The following NDRG1 variants were observed in gnomAD, a reference collection of about 807,000 sequenced individuals.
NDRG1 encodes N-myc downstream regulated 1.
A neutral mutation model predicts 56.9 loss-of-function variants in NDRG1; 32 were observed. That is an observed-to-expected ratio of 0.56 (90% CI 0.42 to 0.76). NDRG1 has a LOEUF of 0.76. NDRG1 is among the 30% of genes least tolerant of loss of function. NDRG1 has a pLI of 0.00. For missense variants in NDRG1, 507 were observed against 545.7 expected, an observed-to-expected ratio of 0.93 and a Z score of 0.71; for synonymous variants, 211 against 204.1, an observed-to-expected ratio of 1.03 and a Z score of -0.29.
chr8:133,296,462 A>G, intron 1 of NDRG1: 1 of 455,564 alleles, frequency 2.2e-6, no homozygotes, highest in Non-Finnish European at 4.4e-6. Flanking sequence ...TTGCACTGTG[A>G]CACACCCTGG....
intron 1 of NDRG1, chr8:133,296,419 T>A: frequency 2.2e-6 from 1 of 454,078 alleles, no homozygotes; most frequent in Non-Finnish European, 4.4e-6. Flanking sequence ...CCCTGCCCAG[T>A]GGCGCTCGCA....
At chr8:133,296,103 C>G (rs1858735269) in intron 1 of NDRG1, among the ~76,000 whole-genome samples, 1 of 152,150 alleles carries the variant, frequency 6.6e-6, no homozygotes, top group African/African-American at 2.4e-5. Context: ...GCGTGTTTCC[C>G]CCAGAACCAG....
At chr8:133,294,472 T>C (rs1186416356) in intron 1 of NDRG1, among the ~76,000 whole-genome samples, 2 of 152,222 alleles carry the variant, frequency 1.3e-5, no homozygotes, top group African/African-American at 2.4e-5. Flanking sequence ...TCACGCTTTC[T>C]CTCCCAGGAC....
intron 15 of NDRG1, 42 bp from the exon 16 acceptor site, chr8:133,239,161 C>T (rs2233347): frequency 3.9e-6 from 6 of 1,549,290 alleles, no homozygotes; most frequent in Non-Finnish European, 5.2e-6. Flanking sequence ...CAGGAGACTG[C>T]CAGGTGAGGA....
At chr8:133,246,546 C>T in intron 13 of NDRG1, 70 bp downstream of exon 13, 1 of 1,504,656 alleles carries the variant, frequency 6.6e-7, no homozygotes, top group Non-Finnish European at 9.3e-7. Context: ...AAGCCTAACT[C>T]AATGTTGCAG....
intron 1 of NDRG1, among the ~76,000 whole-genome samples, chr8:133,287,717 C>T (rs1306511277): frequency 1.3e-5 from 2 of 152,176 alleles, no homozygotes; most frequent in African/African-American, 4.8e-5. Flanking sequence ...CTGCCCTGAG[C>T]ACGGGAGGAG....
intron 1 of NDRG1, among the ~76,000 whole-genome samples, chr8:133,290,377 C>A (rs1858364281): frequency 6.6e-6 from 1 of 152,152 alleles, no homozygotes; most frequent in Admixed American, 6.5e-5. Context: ...GGACTCTAAA[C>A]CCGGTACTTC....
chr8:133,251,924 CAG>C (rs1328313037), intron 9 of NDRG1, among the ~76,000 whole-genome samples: 2 of 152,134 alleles, frequency 1.3e-5, no homozygotes, highest in African/African-American at 4.8e-5. Context: ...CATGTGAAGA[CAG>C]AGGCAGAGAG....
At chr8:133,250,145 G>A (rs1294906152) in intron 10 of NDRG1, among the ~76,000 whole-genome samples, 2 of 152,138 alleles carry the variant, frequency 1.3e-5, no homozygotes, top group South Asian at 2.1e-4. Context: ...GGTCAGCAGC[G>A]GGCACACATA....
At chr8:133,268,863 TCACA>T (rs10569573) in intron 3 of NDRG1, among the ~76,000 whole-genome samples, 24,707 of 149,438 alleles carry the variant, frequency 0.17, 2,819 homozygotes, top group African/African-American at 0.33. Context: ...ATCCCCTAAG[TCACA>T]CACACACACA....
chr8:133,269,924 GT>G (rs1694811458), intron 3 of NDRG1, among the ~76,000 whole-genome samples: 6 of 152,254 alleles, frequency 3.9e-5, no homozygotes, highest in Admixed American at 3.9e-4. Context: ...CTGCACGCAT[GT>G]GTGTCTTTGT....
chr8:133,293,282 G>A (rs3802252), intron 1 of NDRG1, among the ~76,000 whole-genome samples: 71,693 of 152,054 alleles, frequency 0.47, 17,926 homozygotes, highest in African/African-American at 0.65. Flanking sequence ...GTGGACACGC[G>A]GTACTTCCAT....
At chr8:133,284,459 C>T in intron 1 of NDRG1, 130 bp from the exon 2 acceptor site, 1 of 767,362 alleles carries the variant, frequency 1.3e-6, no homozygotes, top group Non-Finnish European at 2.2e-6. Context: ...CCTCGTGATG[C>T]ACTGCAGGGG....
At chr8:133,242,332 C>T (rs1175142706) in intron 14 of NDRG1, among the ~76,000 whole-genome samples, 1 of 152,196 alleles carries the variant, frequency 6.6e-6, no homozygotes, top group Non-Finnish European at 1.5e-5. Context: ...CAGAGTATCA[C>T]AGCTATTTCT....
Position 133,256,838 on chromosome 8 carries a change from C to T in NDRG1, c.476G>A (p.Gly159Asp), listed in dbSNP as rs546029970. The T allele has an allele frequency of 6.2e-7, 1 of 1,614,170 alleles. No individual in the cohort carries two copies. The highest frequency in any genetic ancestry group is 1.3e-5 in the African/African-American group (1 of 75,050). ...AGGGTTCACGTTGATAAGGACAAGG[C>T]CCTCCACCATCTCAGGGTTGTTTAG... ...FALNNPEMVE[G>D]LVLINVNPCA... The change falls in exon 8 of 16, where the codon GGC (glycine) becomes GAC (aspartate). Residue 159 changes from glycine to aspartate, a missense_variant. Gly to Asp is a moderately conservative substitution (Grantham distance 94). Coordinates refer to ENST00000323851, the MANE Select transcript of NDRG1 (RefSeq NM_006096.4).
rs529478291 is a variant in NDRG1, at chr8:133,252,401, C to T, written c.595-1858G>A. Reference sequence around the variant, plus strand: ...TGAGCCACCCTGCTCATCCCACTTTCGCTGTTCTAAGCCATCCTGTTTGTG... The same window carrying T: ...TGAGCCACCCTGCTCATCCCACTTTTGCTGTTCTAAGCCATCCTGTTTGTG... On this transcript the variant is annotated intron_variant, in intron 9 of 15. Transcript: ENST00000323851. 5.3e-5 allele frequency among the ~76,000 whole-genome samples: 8 copies of T among 152,300 alleles called. No individual in the cohort carries two copies. In the East Asian group the frequency reaches 7.7e-4, roughly 15 times the overall value.
At chr8:133,258,244 C>CA (rs957375815) in intron 7 of NDRG1, 122 bp downstream of exon 7, 1 of 972,968 alleles carries the variant, frequency 1.0e-6, no homozygotes. Flanking sequence ...CACACACACA[C>CA]AACTGTGGAG....
intron 9 of NDRG1, 126 bp from the exon 10 acceptor site, chr8:133,250,669 C>T (rs897738022): frequency 4.3e-5 from 36 of 831,860 alleles, no homozygotes; most frequent in Admixed American, 2.7e-4. Flanking sequence ...CACAAGACAG[C>T]GACGGACCTA....
intron 3 of NDRG1, among the ~76,000 whole-genome samples, chr8:133,273,116 C>T (rs762173330): frequency 6.6e-6 from 1 of 152,084 alleles, no homozygotes; most frequent in African/African-American, 2.4e-5. Context: ...CCACTCCACA[C>T]GGAGGCCCTG....
Sources: allele counts gnomAD v4.1 joint callset (sites outside exome capture counted in the v4.1 genomes callset), GRCh38; gene constraint gnomAD v4.1.1; transcripts MANE v1.5; gene names NCBI Gene and HGNC (gene_info 2026-07-23, HGNC 2026-07-21).